Variants in RPS6KA6 observed in about 807,000 individuals in gnomAD.
RPS6KA6 encodes ribosomal protein S6 kinase alpha-6.
A neutral mutation model predicts 65.4 loss-of-function variants in RPS6KA6; 27 were observed. That is an observed-to-expected ratio of 0.41 (90% CI 0.30 to 0.57). The LOEUF (loss-of-function observed/expected upper bound fraction) is 0.57. Among genes scored for constraint, RPS6KA6 ranks in the 20% least tolerant of loss-of-function variants. The pLI is 0.24. For synonymous variants in RPS6KA6, 190 were observed against 184.2 expected, an observed-to-expected ratio of 1.03 and a Z score of -0.26; for missense variants, 486 against 555.6, an observed-to-expected ratio of 0.87 and a Z score of 1.26.
chrX:84,145,457 TA>T lies in RPS6KA6; in HGVS notation c.501+20del. On this transcript the variant is annotated intron_variant, in intron 6 of 21. Transcript: ENST00000262752. ...TTAGTTTTGTTTTAAGAAAATACAG[TA>T]AAAATGTACAGATACTTACCTCTTT... is the stretch of plus-strand genomic sequence containing the variant. 2 of 1,008,513 alleles carry T rather than the reference TA, an allele frequency of 2.0e-6. No homozygotes were observed. Among genetic ancestry groups the T allele is most frequent in the Non-Finnish European group, 2.7e-6 (2 of 737,840 alleles). 83.1% of individuals were successfully genotyped at this position (1,008,513 alleles called of 1,213,427 possible).
chrX:84,116,997 A>G, intron 11 of RPS6KA6, 63 bp downstream of exon 11: 1 of 731,904 alleles, frequency 1.4e-6, no homozygotes, highest in Non-Finnish European at 2.0e-6. Context: ...GAAAACATAA[A>G]GATTTAATTA....
chrX:84,119,136 T>G (rs1287636807), intron 9 of RPS6KA6, among the ~76,000 whole-genome samples: 1 of 111,927 alleles, frequency 8.9e-6, no homozygotes, highest in Non-Finnish European at 1.9e-5. Flanking sequence ...AGGTACTTCT[T>G]GAGAGTTTAT....
chrX:84,123,561 T>C (rs2034718600), intron 8 of RPS6KA6, among the ~76,000 whole-genome samples: 1 of 112,514 alleles, frequency 8.9e-6, no homozygotes, highest in Non-Finnish European at 1.9e-5. Flanking sequence ...ACCCCTGCTA[T>C]GGGCTGCTGG....
At chrX:84,118,335 C>T (rs947640658) in intron 9 of RPS6KA6, among the ~76,000 whole-genome samples, 1 of 111,274 alleles carries the variant, frequency 9.0e-6, no homozygotes, top group Non-Finnish European at 1.9e-5. Context: ...TAATGGTACG[C>T]CACCAAAGAC....
intron 3 of RPS6KA6, among the ~76,000 whole-genome samples, chrX:84,152,587 T>C (rs908445970): frequency 1.3e-4 from 14 of 111,589 alleles, no homozygotes; most frequent in Non-Finnish European, 2.6e-4. Context: ...TCACCTTATC[T>C]TCCCATATAT....
At chrX:84,117,260 G>T in intron 10 of RPS6KA6, 112 bp from the exon 11 acceptor site, 1 of 642,617 alleles carries the variant, frequency 1.6e-6, no homozygotes, top group South Asian at 3.5e-5. Context: ...TCCTGTATAT[G>T]GTAGAAGGGA....
chrX:84,093,815 G>A (rs2034096746), intron 20 of RPS6KA6, among the ~76,000 whole-genome samples: 1 of 111,294 alleles, frequency 9.0e-6, no homozygotes, highest in Non-Finnish European at 1.9e-5. Context: ...TTCACATAAC[G>A]CTTAGTTCCC....
rs1252405722 is a variant in RPS6KA6 at position 84,145,469 on chromosome X, G to C, written c.501+9C>G. 5.6e-6 allele frequency: 6 copies of C among 1,068,386 alleles called. No homozygotes were observed. Among genetic ancestry groups the C allele is most frequent in the Non-Finnish European group, 7.6e-6 (6 of 787,690 alleles). The allele number at this position is 1,068,386 out of a possible 1,213,427, so 88.0% of individuals were successfully genotyped here. A position where few individuals can be genotyped will look rare whatever the true frequency, so the allele number is the denominator to read the frequency against. On this transcript the variant is annotated intron_variant, in intron 6 of 21. Transcript: ENST00000262752. ...TAAGAAAATACAGTAAAAATGTACA[G>C]ATACTTACCTCTTTGGATAATCTTG...
intron 20 of RPS6KA6, among the ~76,000 whole-genome samples, chrX:84,068,755 C>G (rs879204677): frequency 9.0e-6 from 1 of 111,594 alleles, no homozygotes; most frequent in African/African-American, 3.3e-5. Flanking sequence ...GCAAAAATCA[C>G]AAATATTCCT....
In RPS6KA6 at chrX:84,060,932, T is replaced by A. The variant is rs1435473745; in HGVS notation, c.*3345A>T. On this transcript the variant is annotated 3_prime_UTR_variant, in exon 22 of 22. Transcript: ENST00000262752. ...TTAATAAGATAGCTTTCCTTTCACC[T>A]TTTTAGCTGGAAATGTCTGTTCTGA... 8.9e-6 allele frequency: 1 copy of A among 112,311 alleles called. No individual in the cohort carries two copies. Among genetic ancestry groups the A allele is most frequent in the Non-Finnish European group, 1.9e-5 (1 of 53,191 alleles). 9.3% of individuals were successfully genotyped at this position (112,311 alleles called of 1,213,427 possible).
chrX:84,136,784 G>T (rs1004293556), intron 6 of RPS6KA6, among the ~76,000 whole-genome samples: 83 of 111,248 alleles, frequency 7.5e-4, no homozygotes, highest in African/African-American at 2.6e-3. Context: ...CAATCATTAT[G>T]TTATTATAGC....
intron 12 of RPS6KA6, 29 bp downstream of exon 12, chrX:84,116,200 T>C: frequency 2.1e-6 from 2 of 946,579 alleles, no homozygotes; most frequent in Admixed American, 2.6e-5. Context: ...TATGAAGTTA[T>C]TCAATAACAA....
chrX:84,097,865 C>G lies in RPS6KA6; in HGVS notation c.1777-17G>C. On this transcript the variant is annotated splice_polypyrimidine_tract_variant and intron_variant, in intron 18 of 21. Transcript: ENST00000262752. ...CATAAGAACCTAAGAAAGAAATACT[C>G]ATTATATGGTGTTACTCAATATAAA... The G allele has an allele frequency of 7.3e-6, 8 of 1,094,948 alleles. No individual in the cohort carries two copies. The highest frequency in any genetic ancestry group is 1.0e-5 in the Non-Finnish European group (8 of 797,540). The allele number at this position is 1,094,948 out of a possible 1,213,427, so 90.2% of individuals were successfully genotyped here.
intron 1 of RPS6KA6, among the ~76,000 whole-genome samples, chrX:84,180,122 T>C (rs1668958269): frequency 9.0e-6 from 1 of 111,706 alleles, no homozygotes; most frequent in Non-Finnish European, 1.9e-5. Context: ...TTTCTGAAGT[T>C]CTGTCCACTC....
chrX:84,123,419 A>C (rs1323027793), intron 8 of RPS6KA6, among the ~76,000 whole-genome samples: 1 of 112,607 alleles, frequency 8.9e-6, no homozygotes, highest in African/African-American at 3.2e-5. Context: ...CTTGGATATA[A>C]TTTCTGGATC....
At chrX:84,159,692 T>G (rs1400957667) in intron 2 of RPS6KA6, among the ~76,000 whole-genome samples, 1 of 110,626 alleles carries the variant, frequency 9.0e-6, no homozygotes. Flanking sequence ...CTAAATTATG[T>G]CCCCTAACAG....
chrX:84,187,929 T>C lies in RPS6KA6; in HGVS notation c.-30A>G, dbSNP rs1475007071. The C allele has an allele frequency of 4.4e-6, 5 of 1,143,056 alleles. No individual in the cohort carries two copies. The South Asian group carries it at 9.7e-5, about 22-fold the overall frequency. The allele number at this position is 1,143,056 out of a possible 1,213,427, so 94.2% of individuals were successfully genotyped here. On this transcript the variant is annotated 5_prime_UTR_variant, in exon 1 of 22. Coordinates refer to ENST00000262752, the MANE Select transcript of RPS6KA6 (RefSeq NM_014496.5). Reference sequence around the variant, plus strand: ...CCTTCAGGAGCACTCAAACAGGAGCTGCCGCCTACCGCTGGCGCGGCCGCG... The same window carrying C: ...CCTTCAGGAGCACTCAAACAGGAGCCGCCGCCTACCGCTGGCGCGGCCGCG...
chrX:84,187,603 C>G (rs1437134757), intron 1 of RPS6KA6: 1 of 340,928 alleles, frequency 2.9e-6, no homozygotes, highest in Non-Finnish European at 5.0e-6. Flanking sequence ...CGCCCAAGGC[C>G]GAGCCCGGGC....
intron 3 of RPS6KA6, among the ~76,000 whole-genome samples, chrX:84,155,039 A>AT (rs199808910): frequency 1.4e-4 from 15 of 105,977 alleles, no homozygotes; most frequent in East Asian, 3.0e-4. Flanking sequence ...GTGTCCAGAA[A>AT]TTTTTTTTTT....
Sources: allele counts gnomAD v4.1 joint callset (sites outside exome capture counted in the v4.1 genomes callset), GRCh38; gene constraint gnomAD v4.1.1; transcripts MANE v1.5; gene names NCBI Gene and HGNC (gene_info 2026-07-23, HGNC 2026-07-21).